PTPRD: variants seen among roughly 807,000 people sequenced by gnomAD.
PTPRD encodes receptor-type tyrosine-protein phosphatase delta.
PTPRD carries 34 observed loss-of-function variants against 214.5 expected under a neutral mutation model. The observed-to-expected ratio is 0.16, with a 90% CI of 0.12 to 0.21. PTPRD has a LOEUF of 0.21. Ranked by LOEUF, PTPRD falls within the 10% of genes least tolerant of loss-of-function variation. The pLI is 1.00. For missense variants in PTPRD, 2,545 were observed against 2,398.7 expected (o/e 1.06, Z -1.27); for synonymous variants, 1,128 against 845.7 (o/e 1.33, Z -5.79).
At chr9:9,003,033 T>C (rs1007934085) in intron 11 of PTPRD, among the ~76,000 whole-genome samples, 1 of 152,070 alleles carries the variant, frequency 6.6e-6, no homozygotes, top group East Asian at 1.9e-4. Flanking sequence ...GAAATGCTTT[T>C]AATGCCTGGA....
intron 10 of PTPRD, among the ~76,000 whole-genome samples, chr9:9,106,612 C>CAAAAAA (rs5896301): frequency 7.0e-5 from 5 of 71,632 alleles, no homozygotes; most frequent in Middle Eastern, 0.013. Context: ...ATTCCATAGG[C>CAAAAAA]AAAAAAAAAA....
chr9:9,045,398 G>T (rs992905866), intron 10 of PTPRD, among the ~76,000 whole-genome samples: 10 of 151,502 alleles, frequency 6.6e-5, no homozygotes, highest in African/African-American at 2.2e-4. Flanking sequence ...GTGAGCATGT[G>T]GGAGGGTGGG....
intron 2 of PTPRD, among the ~76,000 whole-genome samples, chr9:10,452,121 G>A (rs1031643536): frequency 6.6e-6 from 1 of 151,840 alleles, no homozygotes; most frequent in Non-Finnish European, 1.5e-5. Flanking sequence ...GTTTTGAAGA[G>A]GTATTATCAA....
intron 9 of PTPRD, among the ~76,000 whole-genome samples, chr9:9,192,119 G>C (rs978984393): frequency 1.3e-5 from 2 of 151,980 alleles, no homozygotes; most frequent in Non-Finnish European, 2.9e-5. Context: ...CTAAAAATGA[G>C]AGCATGACAC....
chr9:9,244,180 A>G (rs920834549), intron 9 of PTPRD, among the ~76,000 whole-genome samples: 1 of 152,208 alleles, frequency 6.6e-6, no homozygotes, highest in Non-Finnish European at 1.5e-5. Flanking sequence ...ATGGATAGGA[A>G]GAATCAATAT....
chr9:8,678,267 G>T (rs563523629), intron 12 of PTPRD, among the ~76,000 whole-genome samples: 15 of 152,228 alleles, frequency 9.9e-5, no homozygotes, highest in African/African-American at 3.6e-4. Flanking sequence ...ACGACCCCGG[G>T]AGTCCTAGAT....
At position 9,725,087 on chromosome 9, in the gene PTPRD, C is replaced by A. The variant is rs895468122; in HGVS notation, c.-287+9446G>T. ...GGTAAAATATCTGGGGTAGGTTAGTCAGAGTGTCCTTAACACATCCTCTTT... is the reference window on the plus strand; with the variant it reads ...GGTAAAATATCTGGGGTAGGTTAGTAAGAGTGTCCTTAACACATCCTCTTT... On this transcript the variant is annotated intron_variant, in intron 7 of 45. Coordinates refer to ENST00000381196, the MANE Select transcript of PTPRD (RefSeq NM_002839.4). 5.9e-5 allele frequency among the ~76,000 whole-genome samples: 9 copies of A among 152,200 alleles called. 1 individual carries two copies. The highest frequency in any genetic ancestry group is 3.4e-3 in the Middle Eastern group (1 of 294).
intron 3 of PTPRD, among the ~76,000 whole-genome samples, chr9:10,054,455 A>G (rs1416345991): frequency 6.6e-6 from 1 of 152,170 alleles, no homozygotes; most frequent in Non-Finnish European, 1.5e-5. Context: ...CACTGTAGAA[A>G]GGCTTCCTTC....
intron 7 of PTPRD, among the ~76,000 whole-genome samples, chr9:9,723,396 A>G (rs2098004946): frequency 6.6e-6 from 1 of 152,080 alleles, no homozygotes. Context: ...AATTTTGTCT[A>G]TGCTTGTAAC....
chr9:8,813,368 A>C (rs1180556064), intron 11 of PTPRD, among the ~76,000 whole-genome samples: 1 of 152,174 alleles, frequency 6.6e-6, no homozygotes, highest in Non-Finnish European at 1.5e-5. Context: ...AAGAAGCTAC[A>C]AACAGAATGC....
chr9:9,384,488 G>A (rs10977701), intron 9 of PTPRD, among the ~76,000 whole-genome samples: 35,202 of 149,266 alleles, frequency 0.24, 4,205 homozygotes, highest in Middle Eastern at 0.39. Flanking sequence ...GAGTTTTTGA[G>A]CTCTTGCAGT....
intron 3 of PTPRD, among the ~76,000 whole-genome samples, chr9:10,126,421 A>G (rs186057009): frequency 2.1e-5 from 1 of 46,678 alleles, no homozygotes; most frequent in Non-Finnish European, 7.1e-5. Context: ...ATACTGTTTT[A>G]TATATACACA....
chr9:8,515,976 G>A (rs537443025), intron 21 of PTPRD, among the ~76,000 whole-genome samples: 1 of 152,250 alleles, frequency 6.6e-6, no homozygotes, highest in South Asian at 2.1e-4. Flanking sequence ...GCTAATAAAC[G>A]AAAGCTTGGG....
intron 8 of PTPRD, among the ~76,000 whole-genome samples, chr9:9,430,007 T>C (rs1384955920): frequency 6.6e-6 from 1 of 152,148 alleles, no homozygotes; most frequent in African/African-American, 2.4e-5. Context: ...AGGGATGCCC[T>C]CTCTCACCAC....
At chr9:9,012,189 T>C (rs2099514611) in intron 11 of PTPRD, among the ~76,000 whole-genome samples, 1 of 152,124 alleles carries the variant, frequency 6.6e-6, no homozygotes, top group Admixed American at 6.6e-5. Flanking sequence ...CCACAGGAAA[T>C]GAATTCTGCC....
chr9:9,135,288 G>C (rs1415754648), intron 10 of PTPRD, among the ~76,000 whole-genome samples: 1 of 152,102 alleles, frequency 6.6e-6, no homozygotes, highest in Admixed American at 6.6e-5. Context: ...GTACATAGTA[G>C]AAAAATACAT....
In PTPRD at chr9:8,356,927, T is replaced by A. The variant is rs77325428; in HGVS notation, c.4662-14949A>T. On this transcript the variant is annotated intron_variant, in intron 39 of 45. Transcript: ENST00000381196. ...AGTATTAAATATAATTATATAGAAA[T>A]ACTCAAAAGCACTAAAATATATAGA... Among the ~76,000 whole-genome samples, 853 of 152,262 alleles carry A rather than the reference T, an allele frequency of 5.6e-3. 11 individuals are homozygous for A. The highest frequency in any genetic ancestry group is 0.02 in the African/African-American group (815 of 41,556).
intron 3 of PTPRD, among the ~76,000 whole-genome samples, chr9:10,334,393 G>A (rs945165826): frequency 6.6e-6 from 1 of 151,554 alleles, no homozygotes; most frequent in Non-Finnish European, 1.5e-5. Context: ...ATAGAAGGGA[G>A]CTTCCTCAAC....
chr9:9,221,760 A>G (rs2099956218), intron 9 of PTPRD, among the ~76,000 whole-genome samples: 1 of 152,100 alleles, frequency 6.6e-6, no homozygotes, highest in South Asian at 2.1e-4. Context: ...AATTCTGTCC[A>G]TAGCAACAAC....
Sources: allele counts gnomAD v4.1 joint callset (sites outside exome capture counted in the v4.1 genomes callset), GRCh38; gene constraint gnomAD v4.1.1; transcripts MANE v1.5; gene names NCBI Gene and HGNC (gene_info 2026-07-23, HGNC 2026-07-21).